COL15A1: variants seen among roughly 807,000 people sequenced by gnomAD.
COL15A1 encodes collagen alpha-1(XV) chain.
Under a neutral mutation model 165.9 loss-of-function variants are expected in COL15A1, and 111 were observed. The observed-to-expected ratio is 0.67, with a 90% CI of 0.57 to 0.78. COL15A1 has a LOEUF of 0.78. Among genes scored for constraint, COL15A1 ranks in the 30% least tolerant of loss-of-function variants. The probability of loss-of-function intolerance (pLI) is 0.00; values close to 1 mark genes in which losing one functional copy is unlikely to be tolerated. For missense variants in COL15A1, 1,745 were observed against 1,789.7 expected, an observed-to-expected ratio of 0.98 and a Z score of 0.45; for synonymous variants, 659 against 674.8, an observed-to-expected ratio of 0.98 and a Z score of 0.36.
At chr9:99,013,877 A>C (rs1429222541) in intron 9 of COL15A1, among the ~76,000 whole-genome samples, 2 of 152,178 alleles carry the variant, frequency 1.3e-5, no homozygotes, top group Non-Finnish European at 2.9e-5. Context: ...GGTACTAAAG[A>C]TAGTGAAGGG....
intron 35 of COL15A1, among the ~76,000 whole-genome samples, chr9:99,058,145 G>A (rs1177532523): frequency 1.3e-5 from 2 of 152,182 alleles, no homozygotes; most frequent in Non-Finnish European, 1.5e-5. Flanking sequence ...CTGCACAGCG[G>A]GAAATATGGT....
Position 99,070,416 on chromosome 9 carries a change from A to T in COL15A1, c.*530A>T, listed in dbSNP as rs1219714291. ...TATTTGTATTTTCTGATGCTATCAGACTCTAATGTTTTTTTCCCTAAAATA... is the reference window on the plus strand; with the variant it reads ...TATTTGTATTTTCTGATGCTATCAGTCTCTAATGTTTTTTTCCCTAAAATA... On this transcript the variant is annotated 3_prime_UTR_variant, in exon 42 of 42. Transcript: ENST00000375001. 3 of 289,956 alleles carry T rather than the reference A, an allele frequency of 1.0e-5. No homozygotes were observed. The highest frequency in any genetic ancestry group is 6.8e-5 in the African/African-American group (3 of 43,846). The allele number at this position is 289,956 out of a possible 1,614,324, so 18.0% of individuals were successfully genotyped here.
Position 99,060,245 on chromosome 9 carries a change from TATA to T in COL15A1, c.3402+293_3402+295del, listed in dbSNP as rs1564093531. On this transcript the variant is annotated intron_variant, in intron 36 of 41. Coordinates refer to ENST00000375001, the MANE Select transcript of COL15A1 (RefSeq NM_001855.5). Reference sequence around the variant, plus strand: ...TTACTTATATATTTTTATATATATATATATATATATATTTTTTTTTTGCTGGAT... The same window carrying T: ...TTACTTATATATTTTTATATATATATTATATATATTTTTTTTTTGCTGGAT... Among the ~76,000 whole-genome samples, 149 of 121,746 alleles carry T rather than the reference TATA, an allele frequency of 1.2e-3. No homozygotes were observed. In the South Asian group the frequency reaches 0.013, roughly 10 times the overall value. 79.9% of individuals were successfully genotyped at this position (121,746 alleles called of 152,430 possible). A position where few individuals can be genotyped will look rare whatever the true frequency, so the allele number is the denominator to read the frequency against.
At chr9:99,051,322 G>A (rs1839583587) in intron 30 of COL15A1, among the ~76,000 whole-genome samples, 1 of 152,156 alleles carries the variant, frequency 6.6e-6, no homozygotes, top group Non-Finnish European at 1.5e-5. Context: ...GGGTCGTGGG[G>A]ATACCTAAAA....
intron 7 of COL15A1, 96 bp downstream of exon 7, chr9:99,001,047 A>C: frequency 1.4e-6 from 1 of 718,878 alleles, no homozygotes; most frequent in Non-Finnish European, 2.5e-6. Flanking sequence ...AGAGAGAACC[A>C]CAAGGGTTTT....
chr9:99,051,448 T>G (rs2117887451), intron 30 of COL15A1, among the ~76,000 whole-genome samples: 1 of 152,312 alleles, frequency 6.6e-6, no homozygotes, highest in South Asian at 2.1e-4. Flanking sequence ...AAAATGGACA[T>G]TTTGAAACAG....
At chr9:99,042,662 A>C (rs2119076091) in intron 24 of COL15A1, among the ~76,000 whole-genome samples, 1 of 152,356 alleles carries the variant, frequency 6.6e-6, no homozygotes, top group Non-Finnish European at 1.5e-5. Context: ...TGAGTAGAAC[A>C]AATGTTAATA....
At chr9:99,025,767 C>T (rs1410723758) in intron 15 of COL15A1, 137 bp from the exon 16 acceptor site, 3 of 829,454 alleles carry the variant, frequency 3.6e-6, no homozygotes, top group African/African-American at 1.7e-5. Context: ...GGACTAGGTT[C>T]CTGCCTTGCA....
chr9:99,017,698 A>C (rs1838959618), intron 11 of COL15A1, among the ~76,000 whole-genome samples: 1 of 152,110 alleles, frequency 6.6e-6, no homozygotes, highest in South Asian at 2.1e-4. Context: ...TGACTTCCCA[A>C]ACAATGTCCC....
In COL15A1 at chr9:99,016,054, A is replaced by G. The variant is rs1487509221; in HGVS notation, c.1582A>G (p.Ser528Gly). 6.2e-7 allele frequency: 1 copy of G among 1,614,132 alleles called. No individual in the cohort carries two copies. The highest frequency in any genetic ancestry group is 2.2e-5 in the East Asian group (1 of 44,882). ...LITAGGEESG[S>G]PPPDGPPLPL... Reference sequence around the variant, plus strand: ...CACAGCTGGGGGTGAAGAGTCCGGCAGCCCTCCCCCTGATGGGCCACCGCT... The same window carrying G: ...CACAGCTGGGGGTGAAGAGTCCGGCGGCCCTCCCCCTGATGGGCCACCGCT... Residue 528 changes from serine to glycine, a missense_variant, in exon 11 of 42, where the codon AGC becomes GGC. Physicochemically the swap from Ser to Gly is moderately conservative, Grantham distance 56 (BLOSUM62 0). Coordinates refer to ENST00000375001, the MANE Select transcript of COL15A1 (RefSeq NM_001855.5).
At chr9:98,944,399 C>A in intron 2 of COL15A1, 149 bp downstream of exon 2, 1 of 801,932 alleles carries the variant, frequency 1.2e-6, no homozygotes, top group Non-Finnish European at 2.0e-6. Context: ...GTCCCGCGGG[C>A]GGCTACCTCC....
chr9:98,987,164 C>G, intron 3 of COL15A1, 130 bp from the exon 4 acceptor site: 1 of 863,648 alleles, frequency 1.2e-6, no homozygotes. Flanking sequence ...GTGGTTGAGA[C>G]TGCAGGCTGT....
At chr9:98,960,415 A>G (rs1431051167) in intron 2 of COL15A1, among the ~76,000 whole-genome samples, 1 of 152,190 alleles carries the variant, frequency 6.6e-6, no homozygotes, top group Non-Finnish European at 1.5e-5. Context: ...AAAATAAAAA[A>G]GAAAAAAAAG....
intron 9 of COL15A1, among the ~76,000 whole-genome samples, chr9:99,010,552 G>T (rs987806888): frequency 6.6e-6 from 1 of 152,164 alleles, no homozygotes; most frequent in Non-Finnish European, 1.5e-5. Flanking sequence ...CAAACAACAG[G>T]CTCTAGATGT....
chr9:98,949,504 G>A (rs900890144), intron 2 of COL15A1, among the ~76,000 whole-genome samples: 1 of 152,196 alleles, frequency 6.6e-6, no homozygotes, highest in African/African-American at 2.4e-5. Context: ...ACCAAGAAAT[G>A]AGGGCCTCCA....
At chr9:98,967,721 G>C (rs1837981106) in intron 2 of COL15A1, among the ~76,000 whole-genome samples, 1 of 152,128 alleles carries the variant, frequency 6.6e-6, no homozygotes, top group Admixed American at 6.5e-5. Flanking sequence ...CCTGTGCCTG[G>C]GTCTCTGGCC....
intron 3 of COL15A1, chr9:98,986,575 G>A (rs113853134): frequency 0.016 from 2,444 of 155,046 alleles, 48 homozygotes; most frequent in African/African-American, 0.054. Flanking sequence ...AGCTTTTCCC[G>A]CCTTCTAGGC....
At chr9:98,950,390 T>C (rs2181237) in intron 2 of COL15A1, among the ~76,000 whole-genome samples, 2 of 152,232 alleles carry the variant, frequency 1.3e-5, no homozygotes. Flanking sequence ...GGATATAAAA[T>C]GGCATCTCAT....
rs556139366 is a variant in COL15A1, at chr9:98,993,782, C to T, written c.805-3152C>T. ...ATTTTCCGGCAGCCACCCTCTAGGA[C>T]GGGGAATTTCCCTCTTCAGCTCAGA... is the stretch of plus-strand genomic sequence containing the variant. On this transcript the variant is annotated intron_variant, in intron 5 of 41. Transcript: ENST00000375001. 7.9e-5 allele frequency among the ~76,000 whole-genome samples: 12 copies of T among 152,272 alleles called. No individual in the cohort carries two copies. In the South Asian group the frequency reaches 1.4e-3, roughly 18 times the overall value.
Sources: gnomAD v4.1 joint callset for allele counts (sites outside exome capture counted in the v4.1 genomes callset) on GRCh38, gnomAD v4.1.1 for gene constraint, MANE v1.5 for transcripts, NCBI Gene and HGNC (gene_info 2026-07-23, HGNC 2026-07-21) for gene names.